HS6ST3: variants seen among roughly 807,000 people sequenced by gnomAD.
HS6ST3 encodes the protein heparan-sulfate 6-O-sulfotransferase 3.
Under a neutral mutation model 36.7 loss-of-function variants are expected in HS6ST3, and 12 were observed. The observed-to-expected ratio is 0.33, with a 90% confidence interval of 0.21 to 0.53. HS6ST3 has a LOEUF of 0.53. HS6ST3 is among the 20% of genes least tolerant of loss of function. HS6ST3 has a pLI of 0.95. For missense variants in HS6ST3, 584 were observed against 640.9 expected (o/e 0.91, Z 0.96); for synonymous variants, 240 against 257.5 (o/e 0.93, Z 0.65).
chr13:96,688,784 A>G (rs1047000553), intron 1 of HS6ST3, among the ~76,000 whole-genome samples: 23 of 152,212 alleles, frequency 1.5e-4, no homozygotes, highest in African/African-American at 5.5e-4. Context: ...TATCCCTGGC[A>G]TACGTCCTTC....
intron 1 of HS6ST3, among the ~76,000 whole-genome samples, chr13:96,099,987 T>C (rs2053810164): frequency 6.6e-6 from 1 of 152,066 alleles, no homozygotes; most frequent in Admixed American, 6.6e-5. Flanking sequence ...AGCCCCATAA[T>C]ATAGTAAAGA....
chr13:96,476,451 C>T lies in HS6ST3; in HGVS notation c.708-356039C>T, dbSNP rs370652762. On this transcript the variant is annotated intron_variant, in intron 1 of 1. Coordinates refer to ENST00000376705, the MANE Select transcript of HS6ST3 (RefSeq NM_153456.4). ...GATCTTGGCTCACTGCAACCTCCGC[C>T]TCCCAGGTTCAAGAGATTCTCCTGC... Among the ~76,000 whole-genome samples, 5 of 152,276 alleles carry T rather than the reference C, an allele frequency of 3.3e-5. No individual in the cohort carries two copies. In the East Asian group the frequency reaches 7.7e-4, roughly 24 times the overall value.
intron 1 of HS6ST3, among the ~76,000 whole-genome samples, chr13:96,664,913 T>C (rs2056658445): frequency 6.6e-6 from 1 of 152,208 alleles, no homozygotes; most frequent in African/African-American, 2.4e-5. Context: ...GGCTCATGCC[T>C]ATAATTCCAG....
intron 1 of HS6ST3, among the ~76,000 whole-genome samples, chr13:96,256,448 A>C (rs1787791978): frequency 6.6e-6 from 1 of 152,152 alleles, no homozygotes; most frequent in Admixed American, 6.5e-5. Context: ...TCCTATCTAC[A>C]GGGTTGTTGT....
intron 1 of HS6ST3, among the ~76,000 whole-genome samples, chr13:96,493,872 T>C (rs1264092633): frequency 1.3e-5 from 2 of 152,194 alleles, no homozygotes; most frequent in Non-Finnish European, 2.9e-5. Context: ...TTAAAACAAA[T>C]ATAAGGACTA....
At chr13:96,769,734 CTGTGTGTGTG>C (rs66777701) in intron 1 of HS6ST3, among the ~76,000 whole-genome samples, 174 of 140,280 alleles carry the variant, frequency 1.2e-3, no homozygotes, top group African/African-American at 3.6e-3. Flanking sequence ...ATTCCTAGCT[CTGTGTGTGTG>C]TGTGTGTGTG....
At chr13:96,737,619 G>A (rs1876319688) in intron 1 of HS6ST3, among the ~76,000 whole-genome samples, 1 of 115,056 alleles carries the variant, frequency 8.7e-6, no homozygotes, top group Admixed American at 1.1e-4. Flanking sequence ...GCGACAGAGC[G>A]AGACTCCGTC....
At chr13:96,201,737 A>G (rs1426105982) in intron 1 of HS6ST3, among the ~76,000 whole-genome samples, 12 of 152,194 alleles carry the variant, frequency 7.9e-5, no homozygotes, top group Admixed American at 7.9e-4. Flanking sequence ...CGTGAAATTG[A>G]TGAGGATGGG....
intron 1 of HS6ST3, among the ~76,000 whole-genome samples, chr13:96,583,064 T>C (rs937550943): frequency 1.3e-5 from 2 of 152,064 alleles, no homozygotes; most frequent in Non-Finnish European, 2.9e-5. Context: ...CCAGCCATAG[T>C]CTTCTTACTT....
intron 1 of HS6ST3, among the ~76,000 whole-genome samples, chr13:96,388,586 T>A (rs1455983093): frequency 6.6e-6 from 1 of 152,168 alleles, no homozygotes; most frequent in African/African-American, 2.4e-5. Flanking sequence ...AAAATGTTAT[T>A]CTTTCTATAC....
At chr13:96,300,932 A>G (rs867390455) in intron 1 of HS6ST3, among the ~76,000 whole-genome samples, 2 of 152,338 alleles carry the variant, frequency 1.3e-5, no homozygotes, top group South Asian at 4.1e-4. Flanking sequence ...TAGAAGGAAG[A>G]CATTGAAGTC....
At chr13:96,395,519 G>A (rs1438325248) in intron 1 of HS6ST3, among the ~76,000 whole-genome samples, 1 of 152,058 alleles carries the variant, frequency 6.6e-6, no homozygotes, top group Non-Finnish European at 1.5e-5. Context: ...CTCCCAGTAT[G>A]TGAAACGCCT....
At chr13:96,241,792 T>TTC (rs891282120) in intron 1 of HS6ST3, among the ~76,000 whole-genome samples, 9 of 149,066 alleles carry the variant, frequency 6.0e-5, no homozygotes, top group African/African-American at 2.2e-4. Flanking sequence ...CTTTCTTTTT[T>TTC]TTTTTTTTTT....
intron 1 of HS6ST3, among the ~76,000 whole-genome samples, chr13:96,723,697 A>G (rs1379280179): frequency 2.0e-5 from 3 of 152,140 alleles, no homozygotes; most frequent in Admixed American, 2.0e-4. Context: ...ATAACCTCCC[A>G]GTCCTCTCCC....
At chr13:96,443,601 A>G (rs1257807216) in intron 1 of HS6ST3, among the ~76,000 whole-genome samples, 3 of 152,110 alleles carry the variant, frequency 2.0e-5, no homozygotes, top group Non-Finnish European at 2.9e-5. Context: ...AGGGAATCAT[A>G]ACACAAATTT....
chr13:96,238,054 C>T (rs2054542775), intron 1 of HS6ST3, among the ~76,000 whole-genome samples: 1 of 152,182 alleles, frequency 6.6e-6, no homozygotes, highest in African/African-American at 2.4e-5. Context: ...TCAAACTTAA[C>T]ATGTCCAAAG....
intron 1 of HS6ST3, among the ~76,000 whole-genome samples, chr13:96,294,555 A>T (rs1366964831): frequency 6.6e-6 from 1 of 152,092 alleles, no homozygotes; most frequent in African/African-American, 2.4e-5. Flanking sequence ...ACATTGTAGA[A>T]GATTCCACTG....
chr13:96,646,116 G>A (rs2056587739), intron 1 of HS6ST3, among the ~76,000 whole-genome samples: 1 of 151,944 alleles, frequency 6.6e-6, no homozygotes. Context: ...TCCATTTAGA[G>A]GGCTAAAAAA....
intron 1 of HS6ST3, among the ~76,000 whole-genome samples, chr13:96,546,628 A>G (rs1487343387): frequency 1.3e-5 from 2 of 152,208 alleles, no homozygotes; most frequent in Non-Finnish European, 2.9e-5. Flanking sequence ...TATGGGGTTG[A>G]AAAATTTTAA....
Sources: allele counts gnomAD v4.1 joint callset (sites outside exome capture counted in the v4.1 genomes callset), GRCh38; gene constraint gnomAD v4.1.1; transcripts MANE v1.5; gene names NCBI Gene and HGNC (gene_info 2026-07-23, HGNC 2026-07-21).